The following MGA variants were observed in gnomAD, a reference collection of about 807,000 sequenced individuals.
MGA encodes MAX dimerization protein MGA, also known as MAX gene-associated protein.
Under a neutral mutation model 261.1 loss-of-function variants are expected in MGA, and 40 were observed. The ratio of observed to expected loss-of-function variants is 0.15; its 90% confidence interval spans 0.12 to 0.20. The LOEUF (loss-of-function observed/expected upper bound fraction) is 0.20, where lower values mean the gene tolerates loss of function less well. MGA is among the 10% of genes least tolerant of loss of function. The probability of loss-of-function intolerance (pLI) is 1.00; values close to 1 mark genes in which losing one functional copy is unlikely to be tolerated. For synonymous variants in MGA, 1,302 were observed against 1,290.6 expected (o/e 1.01, Z -0.19); for missense variants, 3,397 against 3,630.5 (o/e 0.94, Z 1.65).
intron 17 of MGA, among the ~76,000 whole-genome samples, chr15:41,753,444 A>T (rs2062967951): frequency 6.6e-6 from 1 of 152,114 alleles, no homozygotes; most frequent in Non-Finnish European, 1.5e-5. Context: ...GGTGGACTTA[A>T]AAAGATCTGC....
intron 2 of MGA, among the ~76,000 whole-genome samples, chr15:41,676,933 C>G: frequency 6.6e-6 from 1 of 152,082 alleles, no homozygotes; most frequent in Admixed American, 6.5e-5. Flanking sequence ...CAGCTGCTTT[C>G]CCCCCCAAAA....
rs1394984509 is a variant in MGA, at chr15:41,621,803, C to G, written c.-68+505C>G. 3.3e-5 allele frequency among the ~76,000 whole-genome samples: 5 copies of G among 152,240 alleles called. No homozygotes were observed. In the East Asian group the frequency reaches 9.7e-4, roughly 29 times the overall value. ...CAGCTTTCCCCGGCGCCCCGGGGTG[C>G]GACGTGTTCACTGAGGTTCGACCGG... On this transcript the variant is annotated intron_variant, in intron 1 of 8. Transcript: ENST00000566718.
intron 14 of MGA, among the ~76,000 whole-genome samples, chr15:41,741,396 G>A (rs946160214): frequency 1.5e-4 from 23 of 148,540 alleles, no homozygotes; most frequent in Admixed American, 8.7e-4. Flanking sequence ...TATTAAGGCA[G>A]CTTCAGTTGT....
intron 1 of MGA, among the ~76,000 whole-genome samples, chr15:41,631,139 A>T (rs1158787518): frequency 6.6e-6 from 1 of 152,230 alleles, no homozygotes; most frequent in Non-Finnish European, 1.5e-5. Context: ...AGTGCAAAGT[A>T]CTGTAGTATA....
intron 23 of MGA, among the ~76,000 whole-genome samples, chr15:41,765,446 T>C (rs2063750522): frequency 6.6e-6 from 1 of 152,248 alleles, no homozygotes; most frequent in Non-Finnish European, 1.5e-5. Flanking sequence ...TGAGCACTAC[T>C]CTGTTTTGGG....
intron 1 of MGA, among the ~76,000 whole-genome samples, chr15:41,632,129 C>G (rs1349996728): frequency 6.6e-6 from 1 of 152,086 alleles, no homozygotes; most frequent in African/African-American, 2.4e-5. Flanking sequence ...TTGTTTTATC[C>G]ATGATACATG....
At chr15:41,683,605 G>A (rs2058788961) in intron 2 of MGA, among the ~76,000 whole-genome samples, 1 of 145,958 alleles carries the variant, frequency 6.9e-6, no homozygotes, top group Non-Finnish European at 1.5e-5. Flanking sequence ...TGGAGATAGG[G>A]TCTCACTTTG....
intron 1 of MGA, among the ~76,000 whole-genome samples, chr15:41,643,403 G>T (rs1309276599): frequency 1.3e-5 from 2 of 151,418 alleles, no homozygotes; most frequent in Non-Finnish European, 1.5e-5. Flanking sequence ...ACCATGCCTG[G>T]CTAATTTTTT....
Position 41,762,151 on chromosome 15 carries a change from G to A in MGA, c.7533G>A (p.Leu2511=). The A allele has an allele frequency of 1.9e-6, 3 of 1,613,562 alleles. No individual in the cohort carries two copies. Among genetic ancestry groups the A allele is most frequent in the Non-Finnish European group, 2.5e-6 (3 of 1,179,668 alleles). The change falls in exon 22 of 24, where the codon CTG becomes CTA. Residue 2511 remains leucine, a synonymous_variant. Coordinates refer to ENST00000219905, the MANE Select transcript of MGA (RefSeq NM_001164273.2). ...CAGGTAAGACAGAAGAAGTGGTCCT[G>A]AAGAAGCTAGAGTATATTTATGCAA... is the stretch of plus-strand genomic sequence containing the variant.
At chr15:41,658,629 A>C (rs755429403), upstream of MGA, among the ~76,000 whole-genome samples, 21 of 151,412 alleles carry the variant, frequency 1.4e-4, no homozygotes, top group Non-Finnish European at 2.8e-4. Flanking sequence ...GGTTAGGCGG[A>C]CTCCACTTTG....
chr15:41,684,694 A>G, intron 2 of MGA: 1 of 186,510 alleles, frequency 5.4e-6, no homozygotes, highest in South Asian at 1.0e-4. Context: ...TTTCTACATT[A>G]TGAGAGTTAT....
rs188339253 is a variant in MGA at position 41,644,529 on chromosome 15, G to A, written c.-68+23231G>A. 2.3e-3 allele frequency among the ~76,000 whole-genome samples: 342 copies of A among 151,718 alleles called. 1 individual carries two copies. The highest frequency in any genetic ancestry group is 7.8e-3 in the African/African-American group (322 of 41,354). The stretch of plus-strand genomic sequence containing the variant: ...AAAATTAGCCAGGCATGGTGATCAC[G>A]CACCTGTAATCCCAGCTACTTGGAA... On this transcript the variant is annotated intron_variant, in intron 1 of 8. Coordinates refer to the MGA transcript ENST00000566718.
chr15:41,762,087 G>T, intron 21 of MGA, 42 bp from the exon 22 acceptor site: 2 of 1,447,418 alleles, frequency 1.4e-6, no homozygotes, highest in East Asian at 2.3e-5. Context: ...CTCATTATGT[G>T]GCGTAATGCT....
rs2151913105 is a variant in MGA, at chr15:41,749,137, G to T, written c.5530G>T (p.Ala1844Ser). The change falls in exon 17 of 24, where the codon GCT becomes TCT. Residue 1844 changes from alanine (A) to serine (S), a missense_variant. Coordinates refer to ENST00000219905, the MANE Select transcript of MGA (RefSeq NM_001164273.2). ...GTCTGTGATGGGAATCCGGTTACCT[G>T]CTCCTTCCAAACCCTCTGAGACTCC... 3 of 1,613,468 alleles carry T rather than the reference G, an allele frequency of 1.9e-6. No individual in the cohort carries two copies. The East Asian group carries it at 6.7e-5, about 36-fold the overall frequency.
chr15:41,661,675 G>C (rs531258498), intron 1 of MGA, among the ~76,000 whole-genome samples: 2 of 152,294 alleles, frequency 1.3e-5, no homozygotes, highest in African/African-American at 4.8e-5. Flanking sequence ...GAGCCCACCC[G>C]CGCGTGTTGT....
At chr15:41,679,265 G>T (rs1264865263) in intron 2 of MGA, among the ~76,000 whole-genome samples, 1 of 152,122 alleles carries the variant, frequency 6.6e-6, no homozygotes, top group Non-Finnish European at 1.5e-5. Flanking sequence ...TTAAACCCCT[G>T]ACCTTGTGAT....
chr15:41,657,220 C>T (rs2057223278), upstream of MGA, among the ~76,000 whole-genome samples: 1 of 152,036 alleles, frequency 6.6e-6, no homozygotes, highest in African/African-American at 2.4e-5. Context: ...CATACTTTGC[C>T]CCCCAGCATG....
chr15:41,754,296 A>C, intron 17 of MGA, 141 bp from the exon 18 acceptor site: 1 of 668,156 alleles, frequency 1.5e-6, no homozygotes, highest in Non-Finnish European at 2.4e-6. Flanking sequence ...TATTATGACT[A>C]ACAATCTTAG....
At chr15:41,726,929 A>T (rs1378323896) in intron 9 of MGA, among the ~76,000 whole-genome samples, 2 of 152,116 alleles carry the variant, frequency 1.3e-5, no homozygotes, top group Admixed American at 6.6e-5. Flanking sequence ...TGTTTTATTC[A>T]TAGCTGTGTT....
Sources: allele counts gnomAD v4.1 joint callset (sites outside exome capture counted in the v4.1 genomes callset), GRCh38; gene constraint gnomAD v4.1.1; transcripts MANE v1.5; gene names NCBI Gene and HGNC (gene_info 2026-07-23, HGNC 2026-07-21).